Variants in OPCML observed in about 807,000 individuals in gnomAD.
OPCML encodes the protein opioid-binding protein/cell adhesion molecule.
A neutral mutation model predicts 37.8 loss-of-function variants in OPCML; 13 were observed. The ratio of observed to expected loss-of-function variants is 0.34; its 90% CI spans 0.22 to 0.55. OPCML has a LOEUF of 0.55. OPCML is among the 20% of genes least tolerant of loss of function. The pLI, the probability that OPCML is intolerant of heterozygous loss-of-function variation, is 0.91. For synonymous variants in OPCML, 176 were observed against 168.8 expected (o/e 1.04, Z -0.33); for missense variants, 341 against 435.6 (o/e 0.78, Z 1.93).
chr11:132,888,044 C>A (rs1249992555), intron 2 of OPCML, among the ~76,000 whole-genome samples: 5 of 152,058 alleles, frequency 3.3e-5, no homozygotes, highest in South Asian at 2.1e-4. Flanking sequence ...GAGGGGCATG[C>A]GGCCTTTGGA....
intron 2 of OPCML, among the ~76,000 whole-genome samples, chr11:132,833,794 C>A (rs1159067525): frequency 1.3e-5 from 2 of 152,146 alleles, no homozygotes; most frequent in African/African-American, 4.8e-5. Flanking sequence ...TATATATGCA[C>A]CCCATCATTG....
At chr11:133,290,888 G>A (rs1041658351) in intron 1 of OPCML, among the ~76,000 whole-genome samples, 5 of 152,318 alleles carry the variant, frequency 3.3e-5, no homozygotes, top group East Asian at 1.9e-4. Context: ...AGAAGTAGCC[G>A]CAGCTTACAT....
chr11:132,439,734 A>G (rs2096025967), intron 4 of OPCML, among the ~76,000 whole-genome samples: 1 of 151,280 alleles, frequency 6.6e-6, no homozygotes, highest in Admixed American at 6.6e-5. Context: ...TAAATGTGGT[A>G]GAATGAGAAG....
intron 1 of OPCML, among the ~76,000 whole-genome samples, chr11:133,521,979 T>C (rs1264282885): frequency 6.6e-6 from 1 of 152,242 alleles, no homozygotes; most frequent in Non-Finnish European, 1.5e-5. Context: ...GGCTTCCTGT[T>C]CTACATTTGT....
intron 2 of OPCML, among the ~76,000 whole-genome samples, chr11:132,828,979 A>C (rs1940527724): frequency 6.6e-6 from 1 of 152,188 alleles, no homozygotes; most frequent in Admixed American, 6.5e-5. Flanking sequence ...AGCAGTGTGG[A>C]GGAATAGAAA....
chr11:132,624,180 T>C (rs1939597264), intron 3 of OPCML, among the ~76,000 whole-genome samples: 1 of 152,228 alleles, frequency 6.6e-6, no homozygotes, highest in East Asian at 1.9e-4. Context: ...CTCATGGAAA[T>C]AATAACCTTA....
chr11:132,948,728 A>C (rs2136691886), intron 1 of OPCML, among the ~76,000 whole-genome samples: 1 of 152,334 alleles, frequency 6.6e-6, no homozygotes, highest in Middle Eastern at 3.4e-3. Context: ...GCAACATTTC[A>C]CCAAATTACT....
chr11:132,823,690 C>CA (rs1309407206), intron 2 of OPCML, among the ~76,000 whole-genome samples: 4 of 152,266 alleles, frequency 2.6e-5, no homozygotes, highest in African/African-American at 9.6e-5. Flanking sequence ...CAAAACATAA[C>CA]AAAAGAATTC....
intron 1 of OPCML, among the ~76,000 whole-genome samples, chr11:133,059,341 G>A (rs7951990): frequency 0.073 from 11,130 of 152,210 alleles, 543 homozygotes; most frequent in South Asian, 0.18. Flanking sequence ...GACTGCCCAA[G>A]ACCTTTTAGG....
intron 1 of OPCML, among the ~76,000 whole-genome samples, chr11:133,028,241 T>TA (rs564816811): frequency 1.7e-4 from 25 of 150,858 alleles, no homozygotes; most frequent in East Asian, 7.8e-4. Flanking sequence ...ACACATGTCT[T>TA]AAAAAAAAAT....
chr11:132,690,127 G>C (rs1054529074), intron 2 of OPCML, among the ~76,000 whole-genome samples: 1 of 151,834 alleles, frequency 6.6e-6, no homozygotes, highest in African/African-American at 2.4e-5. Context: ...TTCTTTTTTG[G>C]CAGCGTCTTA....
chr11:133,298,630 A>C (rs1487546653), intron 1 of OPCML: 1 of 152,170 alleles, frequency 6.6e-6, no homozygotes, highest in East Asian at 1.9e-4. Context: ...ACAGGGGAAA[A>C]AAAACTATAA....
intron 1 of OPCML, among the ~76,000 whole-genome samples, chr11:133,039,965 G>C (rs1308430452): frequency 1.3e-5 from 2 of 151,600 alleles, no homozygotes; most frequent in Non-Finnish European, 2.9e-5. Flanking sequence ...GGAGGCGGAG[G>C]TTGCAGTGAG....
chr11:133,050,174 A>G (rs1285294450), intron 1 of OPCML, among the ~76,000 whole-genome samples: 1 of 152,118 alleles, frequency 6.6e-6, no homozygotes, highest in Non-Finnish European at 1.5e-5. Flanking sequence ...ACTCAGCTTT[A>G]GCTCCTGCCC....
chr11:133,197,272 G>A (rs540465063), intron 1 of OPCML, among the ~76,000 whole-genome samples: 23 of 152,284 alleles, frequency 1.5e-4, no homozygotes, highest in Non-Finnish European at 2.5e-4. Context: ...AAGCCTTGGC[G>A]AGGTGAAACT....
chr11:133,065,453 A>G (rs1396407650), intron 1 of OPCML: 1 of 152,188 alleles, frequency 6.6e-6, no homozygotes, highest in Non-Finnish European at 1.5e-5. Context: ...CCTGGAGACA[A>G]ATGTGCCCCA....
chr11:132,972,082 T>G (rs1455107734), intron 1 of OPCML, among the ~76,000 whole-genome samples: 1 of 152,156 alleles, frequency 6.6e-6, no homozygotes, highest in Non-Finnish European at 1.5e-5. Flanking sequence ...TTGTTGGTGC[T>G]GGTCACACAG....
At chr11:133,410,804 A>ATGT (rs1197888052) in intron 1 of OPCML, among the ~76,000 whole-genome samples, 2 of 152,156 alleles carry the variant, frequency 1.3e-5, no homozygotes, top group Non-Finnish European at 2.9e-5. Context: ...ACTTGACGAC[A>ATGT]TGTTGTACAT....
chr11:133,179,340 G>A (rs1161001920), intron 1 of OPCML, among the ~76,000 whole-genome samples: 1 of 152,178 alleles, frequency 6.6e-6, no homozygotes, highest in Non-Finnish European at 1.5e-5. Flanking sequence ...TCAGGGGTTG[G>A]TTGGCATTTC....
Sources: allele counts gnomAD v4.1 joint callset (sites outside exome capture counted in the v4.1 genomes callset), GRCh38; gene constraint gnomAD v4.1.1; transcripts MANE v1.5; gene names NCBI Gene and HGNC (gene_info 2026-07-23, HGNC 2026-07-21).